The following IRS2 variants were observed in gnomAD, a reference collection of about 807,000 sequenced individuals.
IRS2 encodes insulin receptor substrate 2.
A neutral mutation model predicts 70.9 loss-of-function variants in IRS2; 28 were observed. The ratio of observed to expected loss-of-function variants is 0.39; its 90% CI spans 0.29 to 0.54. The LOEUF is 0.54. Ranked by LOEUF, IRS2 falls within the 20% of genes least tolerant of loss-of-function variation. IRS2 has a pLI of 0.59. For synonymous variants in IRS2, 1,217 were observed against 981.9 expected (o/e 1.24, Z -4.48); for missense variants, 2,081 against 2,024.1 (o/e 1.03, Z -0.54).
In IRS2 at chr13:109,784,968, G is replaced by A. The variant is rs1206605021; in HGVS notation, c.1086C>T (p.Arg362=). 1.1e-5 allele frequency: 13 copies of A among 1,220,868 alleles called. No homozygotes were observed. In the East Asian group the frequency reaches 4.0e-4, roughly 37 times the overall value. The allele number at this position is 1,220,868 out of a possible 1,614,324, so 75.6% of individuals were successfully genotyped here. ...CGCCGCCGTCGCCCTCGCTGGCGGT[G>A]CGCACCCGGCACGAGCTGCACTTGG... is the stretch of plus-strand genomic sequence containing the variant. ...PAAKCSSCRV[R]TASEGDGGAA... The change falls in exon 1 of 2, where the codon CGC becomes CGT. Residue 362 remains arginine, a synonymous_variant. Transcript: ENST00000375856. This position sits in a 1 kb window ranked among gnomAD's most constrained non-coding sequence, Gnocchi z 5.2.
At chr13:109,763,832 T>C (rs1013451950) in intron 1 of IRS2, among the ~76,000 whole-genome samples, 1 of 152,262 alleles carries the variant, frequency 6.6e-6, no homozygotes, top group African/African-American at 2.4e-5. Context: ...TAAGAGAATG[T>C]AGAATAATTA....
intron 1 of IRS2, among the ~76,000 whole-genome samples, chr13:109,768,844 G>A (rs531566717): frequency 2.6e-4 from 40 of 152,280 alleles, no homozygotes; most frequent in African/African-American, 9.1e-4. Context: ...CAGGCTCAAC[G>A]GCGGGGCAGG....
rs776945626 is a variant in IRS2 at position 109,785,029 on chromosome 13, G to A, written c.1025C>T (p.Ser342Leu). 18 of 1,499,974 alleles carry A rather than the reference G, an allele frequency of 1.2e-5. No individual in the cohort carries two copies. The highest frequency in any genetic ancestry group is 3.6e-6 in the Non-Finnish European group (4 of 1,125,446). 92.9% of individuals were successfully genotyped at this position (1,499,974 alleles called of 1,614,324 possible). ...GGTGGCGGCCAGGCTGTCGGTGCGC[G>A]AGCGGCGCACCAGGCCCGTCTGGCT... ...PPSQTGLVRRSRTDSLAATPP... is the reference protein window; with the variant it reads ...PPSQTGLVRRLRTDSLAATPP... The change falls in exon 1 of 2, where the codon TCG becomes TTG. Residue 342 changes from serine (S) to leucine (L), a missense_variant. Around this residue, in one of 4 missense-constraint regions of IRS2, gnomAD observed 111 missense variants for 133.1 expected, o/e 0.83. Transcript: ENST00000375856. The surrounding 1 kb of genome is among the most constrained non-coding windows in gnomAD (Gnocchi z 9.3).
rs1877845487 is a variant in IRS2 at position 109,784,408 on chromosome 13, A to G, written c.1646T>C (p.Leu549Pro). Reference protein sequence around the residue: ...FYGYMTMDRPLSHCGRSYRRV... With the variant: ...FYGYMTMDRPPSHCGRSYRRV... Reference sequence around the variant, plus strand: ...GCGGTAGGAGCGGCCACAGTGGCTCAGGGGCCTGTCCATGGTCATGTACCC... The same window carrying G: ...GCGGTAGGAGCGGCCACAGTGGCTCGGGGGCCTGTCCATGGTCATGTACCC... The change falls in exon 1 of 2, where the codon CTG becomes CCG. Residue 549 changes from leucine to proline, a missense_variant. Coordinates refer to ENST00000375856, the MANE Select transcript of IRS2 (RefSeq NM_003749.3). This position sits in a 1 kb window ranked among gnomAD's most constrained non-coding sequence, Gnocchi z 5.2. 1.9e-6 allele frequency: 3 copies of G among 1,610,036 alleles called. No individual in the cohort carries two copies. The highest frequency in any genetic ancestry group is 2.5e-6 in the Non-Finnish European group (3 of 1,179,106).
rs149826392 is a variant in IRS2, at chr13:109,782,079, G to A, written c.3975C>T (p.Phe1325=). ...TGGCCTCCTTCAAGTGGTGGGACAA[G>A]AAGTCAATGCTGGCGTAGGTGTTGG... ...PPANTYASID[F]LSHHLKEATI... The change falls in exon 1 of 2, where the codon TTC becomes TTT. Residue 1325 remains phenylalanine, a synonymous_variant. Transcript: ENST00000375856. 17 of 1,612,474 alleles carry A rather than the reference G, an allele frequency of 1.1e-5. No homozygotes were observed. In the African/African-American group the frequency reaches 1.3e-4, roughly 13 times the overall value.
intron 1 of IRS2, among the ~76,000 whole-genome samples, chr13:109,762,583 C>T (rs1461616911): frequency 6.6e-6 from 1 of 152,154 alleles, no homozygotes; most frequent in Non-Finnish European, 1.5e-5. Flanking sequence ...TTATAAAACT[C>T]TCCTCGAAGG....
chr13:109,784,829 AGCC>A lies in IRS2; in HGVS notation c.1222_1224del (p.Gly408del). 8.0e-7 allele frequency: 1 copy of A among 1,255,104 alleles called. No homozygotes were observed. The highest frequency in any genetic ancestry group is 2.2e-5 in the South Asian group (1 of 45,894). 77.7% of individuals were successfully genotyped at this position (1,255,104 alleles called of 1,614,324 possible). On this transcript the variant is annotated inframe_deletion, in exon 1 of 2. Coordinates refer to ENST00000375856, the MANE Select transcript of IRS2 (RefSeq NM_003749.3). This position sits in a 1 kb window ranked among gnomAD's most constrained non-coding sequence, Gnocchi z 5.2. ...GCCACCTTGCTCCCGCGGCCGCCGC[AGCC>A]GCCGCTCAGGGTGTGCGAGCGGCTC... is the stretch of plus-strand genomic sequence containing the variant.
intron 1 of IRS2, among the ~76,000 whole-genome samples, chr13:109,776,740 C>T (rs934667416): frequency 6.6e-6 from 1 of 152,204 alleles, no homozygotes; most frequent in Non-Finnish European, 1.5e-5. Context: ...ACCCCATCAT[C>T]TCCTCCATGC....
chr13:109,762,717 C>A (rs1390229622), intron 1 of IRS2, among the ~76,000 whole-genome samples: 2 of 152,182 alleles, frequency 1.3e-5, no homozygotes, highest in Non-Finnish European at 2.9e-5. Flanking sequence ...CCTCCCTGTC[C>A]CCAGCAGCCA....
intron 1 of IRS2, among the ~76,000 whole-genome samples, chr13:109,763,770 A>G (rs1442922344): frequency 3.3e-5 from 5 of 152,238 alleles, no homozygotes; most frequent in African/African-American, 1.2e-4. Flanking sequence ...AACAATGTTT[A>G]TATTGTTTAT....
chr13:109,775,876 G>A (rs770747264), intron 1 of IRS2, among the ~76,000 whole-genome samples: 6 of 151,814 alleles, frequency 4.0e-5, no homozygotes, highest in African/African-American at 9.7e-5. Context: ...TAGGCCGGGC[G>A]CAGTGGCTTA....
chr13:109,772,317 TGCTG>T (rs1877471596), intron 1 of IRS2, among the ~76,000 whole-genome samples: 1 of 152,164 alleles, frequency 6.6e-6, no homozygotes, highest in Non-Finnish European at 1.5e-5. Flanking sequence ...ACCCAAACCT[TGCTG>T]GGGAAAAGGC....
At position 109,783,311 on chromosome 13, in the gene IRS2, T is replaced by C; in HGVS notation, c.2743A>G (p.Ser915Gly). Residue 915 changes from serine (S) to glycine (G), a missense_variant, in exon 1 of 2, where the codon AGC becomes GGC. Physicochemically the swap from Ser to Gly is moderately conservative, Grantham distance 56. Transcript: ENST00000375856. ...TCGATGTTGATGTACTCGCCGGGGC[T>C]CTTGGGCTCCGGTGGCAGTGGGTAC... ...HEYPLPPEPKSPGEYINIDFG... is the reference protein window; with the variant it reads ...HEYPLPPEPKGPGEYINIDFG... 1 of 1,548,690 alleles carries C rather than the reference T, an allele frequency of 6.5e-7. No homozygotes were observed. Among genetic ancestry groups the C allele is most frequent in the African/African-American group, 1.4e-5 (1 of 70,772 alleles).
intron 1 of IRS2, among the ~76,000 whole-genome samples, chr13:109,760,956 G>C (rs1877212143): frequency 6.6e-6 from 1 of 152,184 alleles, no homozygotes; most frequent in Admixed American, 6.5e-5. Flanking sequence ...TTGGAAATAA[G>C]GTCAATTTGC....
At chr13:109,774,701 C>T (rs1877532042) in intron 1 of IRS2, among the ~76,000 whole-genome samples, 1 of 152,158 alleles carries the variant, frequency 6.6e-6, no homozygotes, top group African/African-American at 2.4e-5. Context: ...CTGGCCTCTC[C>T]ACACTGTAGG....
chr13:109,786,156 G>C lies in IRS2; in HGVS notation c.-103C>G, dbSNP rs1037271653. On this transcript the variant is annotated 5_prime_UTR_variant, in exon 1 of 2. Transcript: ENST00000375856. The surrounding 1 kb of genome is among the most constrained non-coding windows in gnomAD (Gnocchi z 4.4). ...GCGGCTCCCTCCCACCCTTGCGCCC[G>C]GCCGCCCGCCCGATCACGCGTCCCT... 3 of 639,840 alleles carry C rather than the reference G, an allele frequency of 4.7e-6. No individual in the cohort carries two copies. The highest frequency in any genetic ancestry group is 5.8e-6 in the Non-Finnish European group (3 of 517,182). The allele number at this position is 639,840 out of a possible 1,614,324, so 39.6% of individuals were successfully genotyped here.
In IRS2 at chr13:109,783,685, G is replaced by T. The variant is rs1395742371; in HGVS notation, c.2369C>A (p.Pro790His). The change falls in exon 1 of 2, where the codon CCC (proline) becomes CAC (histidine). Residue 790 changes from proline to histidine, a missense_variant. This residue lies in a region of IRS2 where 1,615 missense variants were observed against 1,459.5 expected (regional missense o/e 1.11). Coordinates refer to ENST00000375856, the MANE Select transcript of IRS2 (RefSeq NM_003749.3). ...PPDFFSAALH[P>H]GGEPLRGVPG... ...AACGCCCCTGAGCGGCTCCCCGCCG[G>T]GGTGCAGGGCTGCGGAGAAGAAGTC... 2 of 1,561,010 alleles carry T rather than the reference G, an allele frequency of 1.3e-6. No individual in the cohort carries two copies. The highest frequency in any genetic ancestry group is 2.7e-5 in the African/African-American group (2 of 73,816).
At position 109,784,611 on chromosome 13, in the gene IRS2, G is replaced by C; in HGVS notation, c.1443C>G (p.Pro481=). The change falls in exon 1 of 2, where the codon CCC becomes CCG. Residue 481 remains proline, a synonymous_variant. Transcript: ENST00000375856. The surrounding 1 kb of genome is among the most constrained non-coding windows in gnomAD (Gnocchi z 5.2). ...HPLHHGPGQR[P]SSGSASASGS... The stretch of plus-strand genomic sequence containing the variant: ...CCGAGGCGGAGGCGCTGCCGCTGGA[G>C]GGCCGCTGGCCGGGGCCGTGGTGCA... 7.4e-7 allele frequency: 1 copy of C among 1,346,042 alleles called. No individual in the cohort carries two copies. The highest frequency in any genetic ancestry group is 9.5e-7 in the Non-Finnish European group (1 of 1,054,662). The allele number at this position is 1,346,042 out of a possible 1,614,324, so 83.4% of individuals were successfully genotyped here. A position where few individuals can be genotyped will look rare whatever the true frequency, so the allele number is the denominator to read the frequency against.
intron 1 of IRS2, among the ~76,000 whole-genome samples, chr13:109,762,651 G>A (rs1390238365): frequency 6.6e-6 from 1 of 152,118 alleles, no homozygotes; most frequent in Non-Finnish European, 1.5e-5. Flanking sequence ...AGTCGATGAG[G>A]GTGTGCTCCA....
Sources: allele counts gnomAD v4.1 joint callset (sites outside exome capture counted in the v4.1 genomes callset), GRCh38; gene constraint gnomAD v4.1.1; regional missense constraint gnomAD v4.1.1; non-coding constraint Gnocchi (gnomAD v3.1); transcripts MANE v1.5; gene names NCBI Gene and HGNC (gene_info 2026-07-23, HGNC 2026-07-21).